Variants in ADGRL3 observed in about 807,000 individuals in gnomAD.
The protein encoded by ADGRL3 is calcium-independent alpha-latrotoxin receptor 3.
ADGRL3 carries 62 observed loss-of-function variants against 153.5 expected under a neutral mutation model. The ratio of observed to expected loss-of-function variants is 0.40; its 90% CI spans 0.33 to 0.50. The LOEUF is 0.50. Among genes scored for constraint, ADGRL3 ranks in the 20% least tolerant of loss-of-function variants. The probability of loss-of-function intolerance (pLI) is 0.47; values close to 1 mark genes in which losing one functional copy is unlikely to be tolerated. For synonymous variants in ADGRL3, 710 were observed against 672.5 expected, an observed-to-expected ratio of 1.06 and a Z score of -0.86; for missense variants, 1,641 against 1,859.4, an observed-to-expected ratio of 0.88 and a Z score of 2.16.
rs1005499744 is a variant in ADGRL3, at chr4:61,382,339, G to C, written c.-239-785G>C. Among the ~76,000 whole-genome samples the C allele has an allele frequency of 6.6e-5, 10 of 151,376 alleles. No homozygotes were observed. The East Asian group carries it at 1.2e-3, about 18-fold the overall frequency. Reference sequence around the variant, plus strand: ...CTAGTAACTAAAACTAAAGAGCTTTGTGTAAAGCTCTTTAAATAGACATAC... The same window carrying C: ...CTAGTAACTAAAACTAAAGAGCTTTCTGTAAAGCTCTTTAAATAGACATAC... On this transcript the variant is annotated intron_variant, in intron 1 of 26. Transcript: ENST00000683033.
At chr4:61,810,138 T>C (rs1262585965) in intron 8 of ADGRL3, among the ~76,000 whole-genome samples, 1 of 152,126 alleles carries the variant, frequency 6.6e-6, no homozygotes, top group African/African-American at 2.4e-5. Context: ...GTACATATTT[T>C]CATAAATAAA....
At chr4:61,718,906 TAA>T (rs1265058653) in intron 6 of ADGRL3, among the ~76,000 whole-genome samples, 1 of 152,222 alleles carries the variant, frequency 6.6e-6, no homozygotes, top group Admixed American at 6.5e-5. Context: ...ACTTTTCCTC[TAA>T]TTTGACACAT....
chr4:61,239,571 T>A (rs1017161269), intron 1 of ADGRL3, among the ~76,000 whole-genome samples: 4 of 151,774 alleles, frequency 2.6e-5, no homozygotes, highest in African/African-American at 9.7e-5. Context: ...ACAGTCTAAA[T>A]CTCTATCCCC....
At chr4:61,939,961 G>A (rs1051129117) in intron 15 of ADGRL3, among the ~76,000 whole-genome samples, 6 of 149,410 alleles carry the variant, frequency 4.0e-5, no homozygotes, top group African/African-American at 9.9e-5. Flanking sequence ...CTAAGTTTTA[G>A]GGTACATGTG....
chr4:61,285,827 A>C (rs2093917869), intron 1 of ADGRL3, among the ~76,000 whole-genome samples: 1 of 151,776 alleles, frequency 6.6e-6, no homozygotes, highest in South Asian at 2.1e-4. Flanking sequence ...AGAAAATTTA[A>C]AAAGGAATCA....
At chr4:61,835,138 C>T (rs1287475138) in intron 9 of ADGRL3, among the ~76,000 whole-genome samples, 5 of 151,902 alleles carry the variant, frequency 3.3e-5, no homozygotes, top group Admixed American at 2.0e-4. Context: ...TCAGATAACT[C>T]GAAGCAAAAC....
At chr4:61,215,982 G>T (rs1742610676) in intron 1 of ADGRL3, among the ~76,000 whole-genome samples, 2 of 152,078 alleles carry the variant, frequency 1.3e-5, no homozygotes, top group Admixed American at 6.5e-5. Flanking sequence ...TAGAAGATAG[G>T]ATGGTGGGTG....
intron 1 of ADGRL3, among the ~76,000 whole-genome samples, chr4:61,312,299 A>G (rs2095045133): frequency 6.6e-6 from 1 of 152,206 alleles, no homozygotes; most frequent in Non-Finnish European, 1.5e-5. Context: ...ACCTAAATGT[A>G]AAGTGAAAAA....
intron 6 of ADGRL3, among the ~76,000 whole-genome samples, chr4:61,710,780 T>C (rs2095961140): frequency 6.6e-6 from 1 of 152,200 alleles, no homozygotes; most frequent in Non-Finnish European, 1.5e-5. Context: ...ATGTAACTAT[T>C]TGCTAATCCG....
rs192476668 is a variant in ADGRL3 at position 62,068,342 on chromosome 4, A to G, written c.3832+159A>G. 51 of 442,500 alleles carry G rather than the reference A, an allele frequency of 1.2e-4. No homozygotes were observed. The East Asian group carries it at 1.7e-3, about 15-fold the overall frequency. The allele number at this position is 442,500 out of a possible 1,614,324, so 27.4% of individuals were successfully genotyped here. A position where few individuals can be genotyped will look rare whatever the true frequency, so the allele number is the denominator to read the frequency against. The stretch of plus-strand genomic sequence containing the variant: ...GACTTATATAAATATATGTTAATAG[A>G]GATTAGACGCTTTTGTTGTCTGATT... On this transcript the variant is annotated intron_variant, in intron 26 of 26. Coordinates refer to ENST00000683033, the MANE Select transcript of ADGRL3 (RefSeq NM_001387552.1).
At chr4:61,215,541 ATTTTTTTTTTTTTTTT>A (rs59691960) in intron 1 of ADGRL3, among the ~76,000 whole-genome samples, 1 of 73,704 alleles carries the variant, frequency 1.4e-5, no homozygotes, top group Non-Finnish European at 2.5e-5. Flanking sequence ...CTATTATGGA[ATTTTTTTTTTTTTTTT>A]TTTTTTTTTT....
At chr4:61,924,333 C>A (rs1416006761) in intron 13 of ADGRL3, among the ~76,000 whole-genome samples, 1 of 152,130 alleles carries the variant, frequency 6.6e-6, no homozygotes, top group Non-Finnish European at 1.5e-5. Flanking sequence ...CCCCCTAGCA[C>A]AATAGTTAGT....
intron 13 of ADGRL3, among the ~76,000 whole-genome samples, chr4:61,916,822 A>G (rs2098747134): frequency 6.6e-6 from 1 of 152,068 alleles, no homozygotes; most frequent in Non-Finnish European, 1.5e-5. Context: ...GCATGGTGGT[A>G]CATGCCTGTA....
intron 9 of ADGRL3, among the ~76,000 whole-genome samples, chr4:61,860,309 C>G (rs1340519780): frequency 6.6e-6 from 1 of 152,126 alleles, no homozygotes; most frequent in Non-Finnish European, 1.5e-5. Context: ...TCCATCCCCT[C>G]ACGTCTTTTT....
intron 8 of ADGRL3, among the ~76,000 whole-genome samples, chr4:61,762,592 C>A (rs2096925969): frequency 6.6e-6 from 1 of 152,010 alleles, no homozygotes; most frequent in South Asian, 2.1e-4. Flanking sequence ...TAAAAGATTT[C>A]AAAGGCAAAT....
At chr4:62,046,137 C>A (rs1470530115) in intron 25 of ADGRL3, among the ~76,000 whole-genome samples, 1 of 151,810 alleles carries the variant, frequency 6.6e-6, no homozygotes, top group Non-Finnish European at 1.5e-5. Flanking sequence ...AGAAAGAGAA[C>A]TGTCCTTACC....
intron 3 of ADGRL3, among the ~76,000 whole-genome samples, chr4:61,507,762 G>A (rs2098439701): frequency 6.6e-6 from 1 of 152,106 alleles, no homozygotes; most frequent in Non-Finnish European, 1.5e-5. Flanking sequence ...AGAAATGCCA[G>A]TTATTATTTA....
At chr4:61,218,557 G>A (rs1743945697) in intron 1 of ADGRL3, among the ~76,000 whole-genome samples, 1 of 151,980 alleles carries the variant, frequency 6.6e-6, no homozygotes, top group Non-Finnish European at 1.5e-5. Flanking sequence ...TCAAACTCCT[G>A]AGCTCAAGTT....
At chr4:61,810,097 A>G (rs1490262870) in intron 8 of ADGRL3, among the ~76,000 whole-genome samples, 2 of 152,150 alleles carry the variant, frequency 1.3e-5, no homozygotes, top group East Asian at 3.8e-4. Flanking sequence ...AACTGCCTCT[A>G]GTTTGTAAAC....
Sources: allele counts gnomAD v4.1 joint callset (sites outside exome capture counted in the v4.1 genomes callset), GRCh38; gene constraint gnomAD v4.1.1; transcripts MANE v1.5; gene names NCBI Gene and HGNC (gene_info 2026-07-23, HGNC 2026-07-21).